NFATC2: variants seen among roughly 807,000 people sequenced by gnomAD.
The protein encoded by NFATC2 is nuclear factor of activated T cells 2, also known as nuclear factor of activated T-cells, cytoplasmic 2.
A neutral mutation model predicts 87.3 loss-of-function variants in NFATC2; 22 were observed. The observed-to-expected ratio is 0.25, with a 90% CI of 0.18 to 0.36. NFATC2 has a LOEUF of 0.36. Among genes scored for constraint, NFATC2 ranks in the 10% least tolerant of loss-of-function variants. The pLI, the probability that NFATC2 is intolerant of heterozygous loss-of-function variation, is 1.00. For missense variants in NFATC2, 1,149 were observed against 1,259.1 expected, an observed-to-expected ratio of 0.91 and a Z score of 1.32; for synonymous variants, 565 against 542.2, an observed-to-expected ratio of 1.04 and a Z score of -0.58.
At chr20:51,543,604 T>G (rs572855473), upstream of NFATC2, among the ~76,000 whole-genome samples, 34 of 152,198 alleles carry the variant, frequency 2.2e-4, no homozygotes, top group Middle Eastern at 6.8e-3. Flanking sequence ...GATGGGGCGG[T>G]TGGCAAGTGA....
At chr20:51,510,474 C>T (rs908146317) in intron 3 of NFATC2, among the ~76,000 whole-genome samples, 2 of 152,314 alleles carry the variant, frequency 1.3e-5, no homozygotes, top group South Asian at 2.1e-4. Context: ...CCACCAAAAG[C>T]GTGTGGCTCT....
intron 5 of NFATC2, among the ~76,000 whole-genome samples, chr20:51,459,406 C>T (rs1054938742): frequency 3.3e-5 from 5 of 152,146 alleles, no homozygotes; most frequent in African/African-American, 1.2e-4. Flanking sequence ...GGAAATTGGG[C>T]AGTGCCTGCT....
intron 3 of NFATC2, among the ~76,000 whole-genome samples, chr20:51,479,501 C>G (rs1471172609): frequency 1.3e-5 from 2 of 152,208 alleles, no homozygotes; most frequent in Admixed American, 1.3e-4. Context: ...CGTCCGTAGT[C>G]TCAGCTGCTT....
At chr20:51,439,795 G>A (rs892106661) in intron 6 of NFATC2, among the ~76,000 whole-genome samples, 4 of 151,212 alleles carry the variant, frequency 2.6e-5, no homozygotes, top group African/African-American at 9.9e-5. Flanking sequence ...TCAAATCCTT[G>A]ACTACCCCCA....
intron 5 of NFATC2, among the ~76,000 whole-genome samples, chr20:51,472,873 G>T (rs1184906415): frequency 6.6e-6 from 1 of 152,080 alleles, no homozygotes; most frequent in African/African-American, 2.4e-5. Context: ...GACCTCAAGA[G>T]ATCCACCAAA....
intron 10 of NFATC2, among the ~76,000 whole-genome samples, chr20:51,395,817 A>AAATGATGATAT (rs1203979268): frequency 6.6e-6 from 1 of 151,828 alleles, no homozygotes; most frequent in Non-Finnish European, 1.5e-5. Flanking sequence ...TATAGACACA[A>AAATGATGATAT]AATGATGATA....
intron 1 of NFATC2, among the ~76,000 whole-genome samples, chr20:51,552,869 T>C: frequency 6.6e-6 from 1 of 152,114 alleles, no homozygotes; most frequent in East Asian, 1.9e-4. Flanking sequence ...GTTTGTTACA[T>C]CAGTAAACAT....
intron 9 of NFATC2, among the ~76,000 whole-genome samples, chr20:51,416,733 A>T (rs1204731582): frequency 6.6e-6 from 1 of 152,156 alleles, no homozygotes; most frequent in Non-Finnish European, 1.5e-5. Flanking sequence ...TTTAAACCTC[A>T]AGCACTGCTA....
chr20:51,405,889 G>C (rs1227587764), intron 9 of NFATC2, among the ~76,000 whole-genome samples: 1 of 152,190 alleles, frequency 6.6e-6, no homozygotes, highest in East Asian at 1.9e-4. Flanking sequence ...CGATTCTCCT[G>C]CCTCAGCCTC....
intron 1 of NFATC2, among the ~76,000 whole-genome samples, chr20:51,527,697 T>C (rs1347632858): frequency 6.6e-6 from 1 of 152,170 alleles, no homozygotes; most frequent in African/African-American, 2.4e-5. Context: ...AACCAAAAGA[T>C]AGAAGGCTAT....
In NFATC2 at chr20:51,391,348, G is replaced by C; in HGVS notation, c.*148C>G. On this transcript the variant is annotated 3_prime_UTR_variant, in exon 11 of 11. Coordinates refer to ENST00000371564, the MANE Select transcript of NFATC2 (RefSeq NM_012340.5). ...AGACAGAAGGTGAGGGGCTGTGGAG[G>C]GCTCCGAGGGGTCAGATACAGAAGG... 1 of 1,589,012 alleles carries C rather than the reference G, an allele frequency of 6.3e-7. No homozygotes were observed. Among genetic ancestry groups the C allele is most frequent in the Non-Finnish European group, 8.6e-7 (1 of 1,157,544 alleles).
intron 6 of NFATC2, among the ~76,000 whole-genome samples, chr20:51,443,561 G>C (rs1433821401): frequency 2.6e-5 from 4 of 152,126 alleles, no homozygotes; most frequent in African/African-American, 9.7e-5. Context: ...TGCAGACAAG[G>C]AATCAAACAC....
At chr20:51,547,183 G>A (rs528955836), upstream of NFATC2, among the ~76,000 whole-genome samples, 8 of 152,268 alleles carry the variant, frequency 5.3e-5, no homozygotes, top group South Asian at 2.1e-4. Flanking sequence ...GGTTGAAGCC[G>A]GAGGACCAAG....
At chr20:51,438,946 G>A (rs534046457) in intron 6 of NFATC2, among the ~76,000 whole-genome samples, 4 of 152,242 alleles carry the variant, frequency 2.6e-5, no homozygotes, top group Non-Finnish European at 4.4e-5. Context: ...TCAAAGACAG[G>A]TCAAGGTTGT....
intron 3 of NFATC2, among the ~76,000 whole-genome samples, chr20:51,506,679 C>A (rs2076187446): frequency 6.6e-6 from 1 of 152,202 alleles, no homozygotes; most frequent in Non-Finnish European, 1.5e-5. Context: ...GGCAGCAGGG[C>A]CAGCTGGTGA....
At chr20:51,489,053 G>C (rs987989855) in intron 3 of NFATC2, among the ~76,000 whole-genome samples, 7 of 152,206 alleles carry the variant, frequency 4.6e-5, no homozygotes, top group East Asian at 3.9e-4. Context: ...AGCCAGACAG[G>C]GTGGCGGGCG....
At chr20:51,474,996 T>C (rs1469650349) in intron 4 of NFATC2, among the ~76,000 whole-genome samples, 1 of 148,380 alleles carries the variant, frequency 6.7e-6, no homozygotes, top group Non-Finnish European at 1.5e-5. Context: ...TGAGACAGAG[T>C]CTCACTCTGT....
chr20:51,426,197 G>A (rs537394846), intron 9 of NFATC2, among the ~76,000 whole-genome samples: 1 of 152,184 alleles, frequency 6.6e-6, no homozygotes, highest in Non-Finnish European at 1.5e-5. Flanking sequence ...TCATAAACAA[G>A]GCTGGGCATG....
intron 9 of NFATC2, among the ~76,000 whole-genome samples, chr20:51,413,948 T>TTTA (rs1379820825): frequency 3.3e-5 from 5 of 152,210 alleles, no homozygotes; most frequent in Admixed American, 6.5e-5. Flanking sequence ...TAGAAGAATG[T>TTTA]CTGGTAAACA....
Sources: gnomAD v4.1 joint callset for allele counts (sites outside exome capture counted in the v4.1 genomes callset) on GRCh38, gnomAD v4.1.1 for gene constraint, MANE v1.5 for transcripts, NCBI Gene and HGNC (gene_info 2026-07-23, HGNC 2026-07-21) for gene names.